CKAP5: variants seen among roughly 807,000 people sequenced by gnomAD.
The protein encoded by CKAP5 is cytoskeleton-associated protein 5.
In CKAP5, 27 loss-of-function variants were observed where a neutral mutation model predicts 232.8. The ratio of observed to expected loss-of-function variants is 0.12; its 90% CI spans 0.09 to 0.16. The LOEUF is 0.16. Among genes scored for constraint, CKAP5 ranks in the 10% least tolerant of loss-of-function variants. The pLI is 1.00. For missense variants in CKAP5, 1,838 were observed against 2,424.7 expected (o/e 0.76, Z 5.08); for synonymous variants, 785 against 841.1 (o/e 0.93, Z 1.16).
intron 3 of CKAP5, 68 bp downstream of exon 3, chr11:46,818,242 C>G: frequency 7.9e-7 from 1 of 1,263,294 alleles, no homozygotes; most frequent in Non-Finnish European, 1.1e-6. Flanking sequence ...GGACAGTGAT[C>G]TACAAACATA....
chr11:46,778,970 C>G (rs1306674384), intron 20 of CKAP5, among the ~76,000 whole-genome samples: 2 of 151,998 alleles, frequency 1.3e-5, no homozygotes, highest in African/African-American at 4.8e-5. Context: ...AGCTTCCCAG[C>G]TGAGGAGGCT....
chr11:46,819,687 T>C (rs1338901430), intron 2 of CKAP5, among the ~76,000 whole-genome samples: 3 of 152,100 alleles, frequency 2.0e-5, no homozygotes, highest in South Asian at 2.1e-4. Context: ...ATTAATGTAA[T>C]TGAAAATGTG....
chr11:46,770,778 G>GTT lies in CKAP5; in HGVS notation c.3186+9_3186+10insAA, dbSNP rs555071710. 6 of 1,611,034 alleles carry GTT rather than the reference G, an allele frequency of 3.7e-6. No homozygotes were observed. The highest frequency in any genetic ancestry group is 4.2e-6 in the Non-Finnish European group (5 of 1,178,358). On this transcript the variant is annotated intron_variant, in intron 25 of 43. Coordinates refer to ENST00000529230, the MANE Select transcript of CKAP5 (RefSeq NM_001008938.4). ...CTTTTAACAGCAGTAGCAGCAACAA[G>GTT]AAGTAGTACCTTTAGTTTCCCAGTA...
In CKAP5 at chr11:46,770,467, T is replaced by C. The variant is rs376765312; in HGVS notation, c.3186+321A>G. On this transcript the variant is annotated intron_variant, in intron 25 of 43. Coordinates refer to ENST00000529230, the MANE Select transcript of CKAP5 (RefSeq NM_001008938.4). ...TATTTTTAAGACAGAGTTTCTCTCTTGTTGCCCAGGCTGGAGTGCAGTGGC... is the reference window on the plus strand; with the variant it reads ...TATTTTTAAGACAGAGTTTCTCTCTCGTTGCCCAGGCTGGAGTGCAGTGGC... Among the ~76,000 whole-genome samples, 12 of 152,352 alleles carry C rather than the reference T, an allele frequency of 7.9e-5. No homozygotes were observed. The East Asian group carries it at 1.9e-3, about 24-fold the overall frequency.
intron 4 of CKAP5, among the ~76,000 whole-genome samples, chr11:46,814,779 A>G (rs1565749550): frequency 6.6e-6 from 1 of 152,222 alleles, no homozygotes; most frequent in African/African-American, 2.4e-5. Context: ...CATAAGAGCA[A>G]AAGTTACTTT....
intron 12 of CKAP5, 108 bp downstream of exon 12, chr11:46,796,704 G>T (rs562348953): frequency 8.1e-7 from 1 of 1,241,812 alleles, no homozygotes; most frequent in Admixed American, 2.7e-5. Flanking sequence ...AAAAAATCAA[G>T]AACTCCTCAT....
At chr11:46,789,032 T>G (rs2065423091) in intron 15 of CKAP5, among the ~76,000 whole-genome samples, 1 of 152,272 alleles carries the variant, frequency 6.6e-6, no homozygotes, top group East Asian at 1.9e-4. Context: ...TATCTCACAT[T>G]TCAGGAATTC....
intron 1 of CKAP5, among the ~76,000 whole-genome samples, chr11:46,831,013 C>T (rs979276717): frequency 2.0e-5 from 3 of 151,898 alleles, no homozygotes; most frequent in Non-Finnish European, 2.9e-5. Context: ...TGCAGTGAGC[C>T]GAGATCGCGT....
intron 24 of CKAP5, among the ~76,000 whole-genome samples, chr11:46,773,657 C>T (rs1478486788): frequency 1.3e-5 from 2 of 152,000 alleles, no homozygotes; most frequent in Admixed American, 6.6e-5. Flanking sequence ...ATTCTCCTGC[C>T]TCAGCCTCCC....
At chr11:46,808,190 G>A (rs367625416) in intron 7 of CKAP5, 46 bp from the exon 8 acceptor site, 31 of 1,229,264 alleles carry the variant, frequency 2.5e-5, no homozygotes, top group Non-Finnish European at 2.8e-5. Flanking sequence ...ATAAGAGAGC[G>A]GAATAAAAGT....
In CKAP5 at chr11:46,763,686, G is replaced by C. The variant is rs907116153; in HGVS notation, c.3538-56C>G. The C allele has an allele frequency of 2.4e-6, 3 of 1,272,160 alleles. No individual in the cohort carries two copies. In the East Asian group the frequency reaches 7.9e-5, roughly 33 times the overall value. The allele number at this position is 1,272,160 out of a possible 1,614,324, so 78.8% of individuals were successfully genotyped here. A position where few individuals can be genotyped will look rare whatever the true frequency, so the allele number is the denominator to read the frequency against. ...CAGGGTGTTCAACTGAAATGAGGTA[G>C]AGAGCCTTATATAATGCAGCTGCAG... On this transcript the variant is annotated intron_variant, in intron 28 of 43. Transcript: ENST00000529230.
chr11:46,787,908 T>C (rs2065409980), intron 16 of CKAP5, among the ~76,000 whole-genome samples: 1 of 152,172 alleles, frequency 6.6e-6, no homozygotes, highest in Non-Finnish European at 1.5e-5. Flanking sequence ...TTTCTTACTC[T>C]TTCTCCTCCT....
At chr11:46,832,407 G>T (rs1939812429) in intron 1 of CKAP5, among the ~76,000 whole-genome samples, 1 of 152,250 alleles carries the variant, frequency 6.6e-6, no homozygotes, top group South Asian at 2.1e-4. Context: ...TAAAACAGTT[G>T]CTTGAAAGAA....
chr11:46,752,676 C>G lies in CKAP5; in HGVS notation c.5092G>C (p.Ala1698Pro), dbSNP rs199682850. The G allele has an allele frequency of 7.4e-6, 12 of 1,613,048 alleles. No homozygotes were observed. Among genetic ancestry groups the G allele is most frequent in the African/African-American group, 1.3e-5 (1 of 74,882 alleles). ...LLVLLQDSLLATASSPKFSEL... is the reference protein window; with the variant it reads ...LLVLLQDSLLPTASSPKFSEL... ...GAGAATTTGGGAGAACTGGCTGTTG[C>G]TAGCAGGCTGTCTTGGAGCAAAACA... The change falls in exon 38 of 44, where the codon GCA (alanine) becomes CCA (proline). Residue 1698 changes from alanine to proline, a missense_variant. Around this residue, in one of 6 missense-constraint regions of CKAP5, gnomAD observed 579 missense variants for 843.2 expected, o/e 0.69. Transcript: ENST00000529230.
chr11:46,802,616 C>T (rs1277559367), intron 8 of CKAP5, among the ~76,000 whole-genome samples: 5 of 151,978 alleles, frequency 3.3e-5, no homozygotes, highest in Non-Finnish European at 7.4e-5. Context: ...TGCACACACA[C>T]ACACGGCTGC....
At chr11:46,796,164 CAAAA>C (rs60980136) in intron 12 of CKAP5, among the ~76,000 whole-genome samples, 1 of 113,348 alleles carries the variant, frequency 8.8e-6, no homozygotes, top group East Asian at 2.9e-4. Flanking sequence ...GATTCATTGC[CAAAA>C]AAAAAAAAAA....
rs1389310316 is a variant in CKAP5 at position 46,784,655 on chromosome 11, G to A, written c.1987C>T (p.His663Tyr). 2 of 1,613,820 alleles carry A rather than the reference G, an allele frequency of 1.2e-6. No individual in the cohort carries two copies. The highest frequency in any genetic ancestry group is 4.5e-5 in the East Asian group (2 of 44,868). Residue 663 changes from histidine to tyrosine, a missense_variant, in exon 17 of 44, where the codon CAT becomes TAT. Transcript: ENST00000529230. ...TNFQVMQMKL[H>Y]IVALIAQKGN... ...TTCTGGGCAATCAAAGCAACTATAT[G>A]AAGCTTCATTTGCATCACCTGAACA...
intron 1 of CKAP5, among the ~76,000 whole-genome samples, chr11:46,831,643 C>G (rs1407437905): frequency 6.6e-6 from 1 of 152,064 alleles, no homozygotes; most frequent in African/African-American, 2.4e-5. Flanking sequence ...AGCCTCCTGC[C>G]TCAGCCTCCT....
chr11:46,759,216 G>C, intron 34 of CKAP5, 53 bp downstream of exon 34: 3 of 1,556,226 alleles, frequency 1.9e-6, no homozygotes, highest in South Asian at 1.2e-5. Context: ...ATTTCACGTA[G>C]GCCGTCTGAT....
Sources: gnomAD v4.1 joint callset for allele counts (sites outside exome capture counted in the v4.1 genomes callset) on GRCh38, gnomAD v4.1.1 for gene constraint, gnomAD v4.1.1 regional missense constraint, MANE v1.5 for transcripts, NCBI Gene and HGNC (gene_info 2026-07-23, HGNC 2026-07-21) for gene names.